The following ENOX1 variants were observed in gnomAD, a reference collection of about 807,000 sequenced individuals.
ENOX1 encodes candidate growth-related and time keeping constitutive hydroquinone (NADH) oxidase.
A neutral mutation model predicts 82.5 loss-of-function variants in ENOX1; 42 were observed. That is an observed-to-expected ratio of 0.51 (90% confidence interval 0.40 to 0.66). The LOEUF (loss-of-function observed/expected upper bound fraction) is 0.66, where lower values mean the gene tolerates loss of function less well. ENOX1 is among the 30% of genes least tolerant of loss of function. ENOX1 has a pLI of 0.00. For synonymous variants in ENOX1, 271 were observed against 282.2 expected, an observed-to-expected ratio of 0.96 and a Z score of 0.40; for missense variants, 608 against 811.6, an observed-to-expected ratio of 0.75 and a Z score of 3.05.
intron 2 of ENOX1, among the ~76,000 whole-genome samples, chr13:43,597,033 C>T (rs2081504584): frequency 1.3e-5 from 2 of 152,066 alleles, no homozygotes. Context: ...GGCTGGGAGA[C>T]CTCAGGAAAC....
intron 11 of ENOX1, among the ~76,000 whole-genome samples, chr13:43,321,812 G>C (rs2047828408): frequency 6.6e-6 from 1 of 152,202 alleles, no homozygotes; most frequent in Non-Finnish European, 1.5e-5. Context: ...ATAATTCAAT[G>C]AGAGCGTTTT....
chr13:43,705,525 T>G (rs1218398671), intron 1 of ENOX1, among the ~76,000 whole-genome samples: 1 of 151,978 alleles, frequency 6.6e-6, no homozygotes, highest in Non-Finnish European at 1.5e-5. Context: ...AAAGCCTGTA[T>G]GGCTATATAA....
At chr13:43,335,706 TA>T (rs1229188444) in intron 9 of ENOX1, among the ~76,000 whole-genome samples, 1 of 145,126 alleles carries the variant, frequency 6.9e-6, no homozygotes, top group South Asian at 2.2e-4. Flanking sequence ...AAGATTTTTT[TA>T]AAAAAACATA....
intron 3 of ENOX1, among the ~76,000 whole-genome samples, chr13:43,416,235 A>C (rs2054526046): frequency 1.5e-5 from 2 of 137,368 alleles, no homozygotes; most frequent in Non-Finnish European, 3.1e-5. Context: ...CACTTCCCAG[A>C]TGATGGGTGG....
At chr13:43,729,833 G>T (rs1302844909) in intron 1 of ENOX1, among the ~76,000 whole-genome samples, 3 of 152,188 alleles carry the variant, frequency 2.0e-5, no homozygotes, top group African/African-American at 7.2e-5. Context: ...GTGTGTAAAC[G>T]GCCTTCTCCC....
chr13:43,638,297 T>C (rs1485618627), intron 2 of ENOX1, among the ~76,000 whole-genome samples: 1 of 152,198 alleles, frequency 6.6e-6, no homozygotes, highest in African/African-American at 2.4e-5. Flanking sequence ...ATAATTTCCA[T>C]ATTTATTGAA....
At chr13:43,528,299 A>G (rs914259734) in intron 2 of ENOX1, among the ~76,000 whole-genome samples, 1 of 152,102 alleles carries the variant, frequency 6.6e-6, no homozygotes, top group South Asian at 2.1e-4. Context: ...CCTATGTACA[A>G]CGTGCCCCCA....
chr13:43,470,206 G>A (rs763168419), intron 3 of ENOX1, among the ~76,000 whole-genome samples: 14,636 of 73,818 alleles, frequency 0.2, 2,444 homozygotes, highest in Non-Finnish European at 0.26. Flanking sequence ...ATATATATGT[G>A]TATATATATA....
At chr13:43,706,976 C>A (rs887142632) in intron 1 of ENOX1, among the ~76,000 whole-genome samples, 2 of 151,914 alleles carry the variant, frequency 1.3e-5, no homozygotes, top group Non-Finnish European at 2.9e-5. Flanking sequence ...CCCTCACTCC[C>A]GACCCAGACA....
chr13:43,271,330 A>T (rs1566386872), intron 12 of ENOX1, among the ~76,000 whole-genome samples: 1 of 152,168 alleles, frequency 6.6e-6, no homozygotes, highest in Non-Finnish European at 1.5e-5. Context: ...CTAATGACAC[A>T]GAAGAAGCTC....
intron 3 of ENOX1, among the ~76,000 whole-genome samples, chr13:43,416,237 GAT>G (rs1307639733): frequency 5.7e-5 from 7 of 123,346 alleles, no homozygotes; most frequent in Admixed American, 8.3e-5. Context: ...CTTCCCAGAT[GAT>G]GGGTGGCCGG....
chr13:43,614,249 A>C (rs1404681338), intron 2 of ENOX1, among the ~76,000 whole-genome samples: 2 of 152,326 alleles, frequency 1.3e-5, no homozygotes, highest in Non-Finnish European at 2.9e-5. Context: ...CATCAGAAAC[A>C]CAAAAAACAC....
intron 12 of ENOX1, among the ~76,000 whole-genome samples, chr13:43,293,401 A>G (rs536439028): frequency 6.6e-6 from 1 of 152,012 alleles, no homozygotes; most frequent in South Asian, 2.1e-4. Context: ...CACCCCCACC[A>G]TAGTCACCAA....
chr13:43,496,919 T>C (rs1038959671), intron 2 of ENOX1, among the ~76,000 whole-genome samples: 4 of 152,134 alleles, frequency 2.6e-5, no homozygotes, highest in African/African-American at 9.6e-5. Flanking sequence ...TAAGTCCTTA[T>C]AATTCTGTAT....
intron 2 of ENOX1, among the ~76,000 whole-genome samples, chr13:43,533,015 T>C (rs1425503057): frequency 6.6e-6 from 1 of 152,118 alleles, no homozygotes; most frequent in East Asian, 1.9e-4. Flanking sequence ...TGAGAAAAAG[T>C]CTGAGACGTG....
intron 3 of ENOX1, among the ~76,000 whole-genome samples, chr13:43,446,038 C>T (rs182359290): frequency 4.1e-4 from 63 of 152,322 alleles, no homozygotes; most frequent in African/African-American, 1.5e-3. Flanking sequence ...AGTAGTCTGT[C>T]TCCCTTCTTC....
At chr13:43,270,168 A>G (rs960110547) in intron 12 of ENOX1, among the ~76,000 whole-genome samples, 2 of 152,164 alleles carry the variant, frequency 1.3e-5, no homozygotes, top group South Asian at 2.1e-4. Context: ...CACTGTATGG[A>G]TTTTTGTAAG....
intron 3 of ENOX1, among the ~76,000 whole-genome samples, chr13:43,414,854 T>C (rs2054348037): frequency 6.6e-6 from 1 of 152,184 alleles, no homozygotes; most frequent in African/African-American, 2.4e-5. Flanking sequence ...TCAGAGAACA[T>C]CCCTCTACTT....
chr13:43,479,631 A>G (rs1027184935), intron 3 of ENOX1, among the ~76,000 whole-genome samples: 1 of 152,238 alleles, frequency 6.6e-6, no homozygotes, highest in African/African-American at 2.4e-5. Flanking sequence ...CCATTTATGT[A>G]TGTTAGTGTA....
Sources: allele counts gnomAD v4.1 joint callset (sites outside exome capture counted in the v4.1 genomes callset), GRCh38; gene constraint gnomAD v4.1.1; transcripts MANE v1.5; gene names NCBI Gene and HGNC (gene_info 2026-07-23, HGNC 2026-07-21).